Variants in C5 observed in about 807,000 individuals in gnomAD.
The protein encoded by C5 is complement C5.
C5 carries 140 observed loss-of-function variants against 218.8 expected under a neutral mutation model. The observed-to-expected ratio is 0.64, with a 90% CI of 0.56 to 0.74. C5 has a LOEUF of 0.74. Ranked by LOEUF, C5 falls within the 30% of genes least tolerant of loss-of-function variation. The pLI, the probability that C5 is intolerant of heterozygous loss-of-function variation, is 0.00. For synonymous variants in C5, 614 were observed against 682.3 expected (o/e 0.90, Z 1.56); for missense variants, 1,700 against 1,969.6 (o/e 0.86, Z 2.59).
chr9:121,021,315 C>A (rs75335780), intron 11 of C5, among the ~76,000 whole-genome samples, 194 bp downstream of exon 11: 155 of 152,252 alleles, frequency 1.0e-3, no homozygotes, highest in East Asian at 3.5e-3. Flanking sequence ...AAAATTGATA[C>A]ATTTATCTTC....
At chr9:121,004,437 T>C (rs1366290524) in intron 20 of C5, among the ~76,000 whole-genome samples, 1 of 152,086 alleles carries the variant, frequency 6.6e-6, no homozygotes, top group Non-Finnish European at 1.5e-5. Context: ...AATGGAAATA[T>C]GAATTCATTG....
Position 121,017,384 on chromosome 9 carries a change from C to A in C5, c.1844G>T (p.Gly615Val). ...AACTCTTTCCAAGGGCTTTTTGGCT[C>A]CTCTTTGGACTCCATACACAGCACT... ...VDSAVYGVQRGAKKPLERVFQ... is the reference protein window; with the variant it reads ...VDSAVYGVQRVAKKPLERVFQ... The change falls in exon 14 of 41, where the codon GGA becomes GTA. Residue 615 changes from glycine to valine, a missense_variant. Transcript: ENST00000223642. 1 of 1,613,880 alleles carries A rather than the reference C, an allele frequency of 6.2e-7. No individual in the cohort carries two copies. Among genetic ancestry groups the A allele is most frequent in the Non-Finnish European group, 8.5e-7 (1 of 1,179,938 alleles).
At chr9:121,054,522 C>T (rs184431374), upstream of C5, among the ~76,000 whole-genome samples, 20 of 152,276 alleles carry the variant, frequency 1.3e-4, no homozygotes, top group Admixed American at 3.9e-4. Context: ...ATTGCTTGAA[C>T]CTGGGAGGCA....
At chr9:120,969,321 TTAAC>T (rs1332798366) in intron 32 of C5, among the ~76,000 whole-genome samples, 1 of 152,198 alleles carries the variant, frequency 6.6e-6, no homozygotes, top group Admixed American at 6.5e-5. Context: ...CTTTAAATAA[TTAAC>T]AGTTCATTGC....
At chr9:120,994,487 G>C (rs1382163086) in intron 22 of C5, among the ~76,000 whole-genome samples, 2 of 152,028 alleles carry the variant, frequency 1.3e-5, no homozygotes, top group African/African-American at 4.8e-5. Flanking sequence ...AGAGGCTGAG[G>C]CAGGAGAATC....
At chr9:121,054,274 C>A (rs1439139484), upstream of C5, among the ~76,000 whole-genome samples, 1 of 152,158 alleles carries the variant, frequency 6.6e-6, no homozygotes, top group Admixed American at 6.5e-5. Flanking sequence ...ACCCTACAAA[C>A]CATAAAATAT....
At chr9:121,035,626 G>C (rs2047517738) in intron 4 of C5, among the ~76,000 whole-genome samples, 1 of 152,036 alleles carries the variant, frequency 6.6e-6, no homozygotes, top group Non-Finnish European at 1.5e-5. Context: ...CTGGAGTGCA[G>C]TGGTGTGATC....
intron 22 of C5, among the ~76,000 whole-genome samples, chr9:120,992,162 T>C (rs1587965100): frequency 6.6e-6 from 1 of 152,246 alleles, no homozygotes; most frequent in Non-Finnish European, 1.5e-5. Flanking sequence ...TGGAAGATGC[T>C]AAAGAAAAAT....
intron 39 of C5, among the ~76,000 whole-genome samples, chr9:120,954,699 G>A (rs772111679): frequency 2.6e-5 from 4 of 152,214 alleles, no homozygotes; most frequent in Non-Finnish European, 5.9e-5. Flanking sequence ...TAACTATTAA[G>A]TTCTGGCAGA....
chr9:121,064,788 C>T, the C5 span, among the ~76,000 whole-genome samples: 4 of 152,296 alleles, frequency 2.6e-5, no homozygotes, highest in South Asian at 8.3e-4. Context: ...AGTCTGGGCA[C>T]AGCAGCTCAT....
Position 121,023,539 on chromosome 9 carries a change from C to T in C5, c.1001-20G>A. 1.4e-6 allele frequency: 2 copies of T among 1,397,504 alleles called. No homozygotes were observed. The highest frequency in any genetic ancestry group is 2.0e-6 in the Non-Finnish European group (2 of 982,322). The allele number at this position is 1,397,504 out of a possible 1,614,324, so 86.6% of individuals were successfully genotyped here. ...ATCCACCTAAGGAAATGGCAAGCAT[C>T]ATGTTGACAGTTTTTAGGAGTATCA... On this transcript the variant is annotated intron_variant, in intron 9 of 40. Transcript: ENST00000223642.
At chr9:121,062,550 C>T in the C5 span, among the ~76,000 whole-genome samples, 2 of 152,042 alleles carry the variant, frequency 1.3e-5, no homozygotes, top group Non-Finnish European at 2.9e-5. Context: ...AAGGAATCTC[C>T]TCTAATAACA....
chr9:121,015,257 T>C lies in C5; in HGVS notation c.2001A>G (p.Glu667=), dbSNP rs976544120. Residue 667 remains glutamate, a synonymous_variant, in exon 16 of 41, where the codon GAA becomes GAG. Coordinates refer to ENST00000223642, the MANE Select transcript of C5 (RefSeq NM_001735.3). The part of the protein sequence containing the change: ...ANADDSQEND[E]PCKEILRPRR... ...TTGGCCTGAGAATTTCTTTACAAGG[T>C]TCATCTGGTTTTTTTAAAAAAAGAT... The C allele has an allele frequency of 1.9e-6, 3 of 1,600,658 alleles. No homozygotes were observed. Among genetic ancestry groups the C allele is most frequent in the Admixed American group, 1.7e-5 (1 of 59,858 alleles).
intron 20 of C5, among the ~76,000 whole-genome samples, chr9:120,999,513 T>C (rs576671030): frequency 6.6e-6 from 1 of 152,286 alleles, no homozygotes; most frequent in African/African-American, 2.4e-5. Context: ...TGCTCAAACC[T>C]GGCTGACCCT....
chr9:120,992,186 C>G (rs1359309991), intron 22 of C5, among the ~76,000 whole-genome samples: 1 of 152,220 alleles, frequency 6.6e-6, no homozygotes, highest in African/African-American at 2.4e-5. Flanking sequence ...TCACATTTTG[C>G]AATTTAATGG....
At chr9:121,041,240 G>A (rs2047576553) in intron 3 of C5, among the ~76,000 whole-genome samples, 1 of 148,416 alleles carries the variant, frequency 6.7e-6, no homozygotes, top group Non-Finnish European at 1.5e-5. Context: ...CACTGTGCCT[G>A]GCCAGGTATT....
chr9:121,054,375 A>C (rs555717103), upstream of C5, among the ~76,000 whole-genome samples: 1 of 152,240 alleles, frequency 6.6e-6, no homozygotes, highest in Non-Finnish European at 1.5e-5. Flanking sequence ...TGAGGCAGGC[A>C]GATCACCTGA....
At chr9:121,018,707 A>G (rs1473834105) in intron 12 of C5, among the ~76,000 whole-genome samples, 1 of 146,090 alleles carries the variant, frequency 6.8e-6, no homozygotes, top group African/African-American at 2.5e-5. Context: ...AAAGAAAGAA[A>G]GAAAAGAAAG....
chr9:121,074,666 G>A, the C5 span: 1 of 376,882 alleles, frequency 2.7e-6, no homozygotes, highest in Admixed American at 3.2e-5. Flanking sequence ...GGTGGCGGCG[G>A]CAGCTTTGTC....
Sources: allele counts gnomAD v4.1 joint callset (sites outside exome capture counted in the v4.1 genomes callset), GRCh38; gene constraint gnomAD v4.1.1; transcripts MANE v1.5; gene names NCBI Gene and HGNC (gene_info 2026-07-23, HGNC 2026-07-21).